ATRNL1: variants seen among roughly 807,000 people sequenced by gnomAD.
ATRNL1 encodes attractin like 1, also known as attractin-like protein 1.
ATRNL1 carries 95 observed loss-of-function variants against 182.7 expected under a neutral mutation model. The ratio of observed to expected loss-of-function variants is 0.52; its 90% CI spans 0.44 to 0.62. The LOEUF is 0.62. Ranked by LOEUF, ATRNL1 falls within the 20% of genes least tolerant of loss-of-function variation. ATRNL1 has a pLI of 0.00. For missense variants in ATRNL1, 1,471 were observed against 1,679.5 expected (o/e 0.88, Z 2.17); for synonymous variants, 576 against 568.3 (o/e 1.01, Z -0.19).
intron 17 of ATRNL1, among the ~76,000 whole-genome samples, chr10:115,304,190 G>A (rs1853617024): frequency 6.6e-6 from 1 of 152,112 alleles, no homozygotes; most frequent in Non-Finnish European, 1.5e-5. Context: ...GTATCTTCAG[G>A]ACTTTCTTAT....
chr10:115,137,978 G>A (rs1300650414), intron 5 of ATRNL1, among the ~76,000 whole-genome samples: 1 of 152,212 alleles, frequency 6.6e-6, no homozygotes, highest in Non-Finnish European at 1.5e-5. Context: ...TACAGCCATT[G>A]GGTAAATACA....
chr10:115,250,107 C>T (rs1850811118), intron 10 of ATRNL1, among the ~76,000 whole-genome samples: 1 of 152,146 alleles, frequency 6.6e-6, no homozygotes, highest in South Asian at 2.1e-4. Context: ...TGGTGGATGA[C>T]ATAGGGATTT....
intron 27 of ATRNL1, among the ~76,000 whole-genome samples, chr10:115,809,634 A>T (rs1950001817): frequency 1.3e-5 from 2 of 151,418 alleles, no homozygotes; most frequent in South Asian, 4.2e-4. Flanking sequence ...ATTTTTGTGG[A>T]TTTATATTTT....
At chr10:115,810,081 G>C (rs555379758) in intron 27 of ATRNL1, among the ~76,000 whole-genome samples, 27 of 151,812 alleles carry the variant, frequency 1.8e-4, no homozygotes, top group African/African-American at 6.5e-4. Flanking sequence ...TGTTATTATG[G>C]TAAATTAAAT....
chr10:115,513,846 T>G (rs192294999), intron 24 of ATRNL1, among the ~76,000 whole-genome samples: 132 of 152,078 alleles, frequency 8.7e-4, no homozygotes, highest in Non-Finnish European at 2.2e-4. Flanking sequence ...TTCTGTTGAA[T>G]AGCCAGTATG....
At chr10:115,214,238 A>AT (rs559988344) in intron 8 of ATRNL1, among the ~76,000 whole-genome samples, 162 of 151,984 alleles carry the variant, frequency 1.1e-3, no homozygotes, top group Middle Eastern at 6.8e-3. Context: ...TTAATTCAAT[A>AT]TTTTTTGGTA....
At chr10:115,851,542 C>T (rs1477814592) in intron 28 of ATRNL1, among the ~76,000 whole-genome samples, 1 of 152,044 alleles carries the variant, frequency 6.6e-6, no homozygotes, top group Non-Finnish European at 1.5e-5. Flanking sequence ...AAAACTGTGC[C>T]AACTCATCCC....
intron 19 of ATRNL1, among the ~76,000 whole-genome samples, chr10:115,384,426 T>C (rs1432417444): frequency 6.6e-6 from 1 of 152,032 alleles, no homozygotes; most frequent in African/African-American, 2.4e-5. Flanking sequence ...TAATTTCTTT[T>C]GGTCACAAAT....
chr10:115,864,509 A>T (rs143899292), intron 28 of ATRNL1, among the ~76,000 whole-genome samples: 1 of 152,314 alleles, frequency 6.6e-6, no homozygotes, highest in East Asian at 1.9e-4. Flanking sequence ...TTGATTACAA[A>T]GGGGAAAGCA....
At chr10:115,545,234 C>CAAAAAAAAA (rs71010026) in intron 25 of ATRNL1, among the ~76,000 whole-genome samples, 3 of 94,858 alleles carry the variant, frequency 3.2e-5, no homozygotes, top group South Asian at 3.6e-4. Context: ...GACTCCGTAT[C>CAAAAAAAAA]AAAAAAAAAA....
intron 18 of ATRNL1, among the ~76,000 whole-genome samples, chr10:115,329,908 G>A (rs1554934519): frequency 6.6e-6 from 1 of 151,960 alleles, no homozygotes; most frequent in South Asian, 2.1e-4. Context: ...ATTTTGTACT[G>A]CCATATTGCT....
chr10:115,604,703 A>G (rs1555017079), intron 26 of ATRNL1, among the ~76,000 whole-genome samples: 3 of 152,118 alleles, frequency 2.0e-5, no homozygotes, highest in Non-Finnish European at 4.4e-5. Flanking sequence ...AACAAGGCCA[A>G]TTTTTGACTC....
chr10:115,677,636 G>A (rs547406378), intron 26 of ATRNL1, among the ~76,000 whole-genome samples: 94 of 152,058 alleles, frequency 6.2e-4, no homozygotes, highest in African/African-American at 2.1e-3. Context: ...TTTGCCTCCC[G>A]CCATGATTCT....
intron 28 of ATRNL1, among the ~76,000 whole-genome samples, chr10:115,853,021 A>G (rs960140808): frequency 6.6e-6 from 1 of 152,178 alleles, no homozygotes; most frequent in Non-Finnish European, 1.5e-5. Flanking sequence ...GACCATGGGC[A>G]AGTCTTTCAG....
At chr10:115,256,395 T>C (rs535506180) in intron 10 of ATRNL1, among the ~76,000 whole-genome samples, 1 of 152,340 alleles carries the variant, frequency 6.6e-6, no homozygotes, top group South Asian at 2.1e-4. Flanking sequence ...AATTTATCCA[T>C]TTCTTTTAGA....
At chr10:115,206,384 G>T (rs528296084) in intron 8 of ATRNL1, among the ~76,000 whole-genome samples, 1 of 151,820 alleles carries the variant, frequency 6.6e-6, no homozygotes, top group Non-Finnish European at 1.5e-5. Context: ...TTTTCAAATG[G>T]TTGCTGTATT....
intron 18 of ATRNL1, among the ~76,000 whole-genome samples, chr10:115,329,704 CT>C (rs35031070): frequency 0.21 from 32,013 of 152,054 alleles, 4,273 homozygotes; most frequent in Non-Finnish European, 0.3. Context: ...GTTAATCCTA[CT>C]TACTTTTCCA....
chr10:115,307,017 T>C (rs1443674836), intron 17 of ATRNL1, among the ~76,000 whole-genome samples: 2 of 152,220 alleles, frequency 1.3e-5, no homozygotes, highest in African/African-American at 4.8e-5. Context: ...TCTTCAGGTC[T>C]GCCATTGTCT....
intron 23 of ATRNL1, 22 bp downstream of exon 23, chr10:115,467,274 A>G: frequency 1.3e-6 from 2 of 1,542,996 alleles, no homozygotes; most frequent in East Asian, 2.3e-5. Context: ...TTGATGTCAT[A>G]TCTCTTTTAC....
Sources: allele counts gnomAD v4.1 joint callset (sites outside exome capture counted in the v4.1 genomes callset), GRCh38; gene constraint gnomAD v4.1.1; transcripts MANE v1.5; gene names NCBI Gene and HGNC (gene_info 2026-07-23, HGNC 2026-07-21).